The following DLG1 variants were observed in gnomAD, a reference collection of about 807,000 sequenced individuals.
DLG1 encodes disks large homolog 1.
DLG1 carries 42 observed loss-of-function variants against 123.4 expected under a neutral mutation model. The observed-to-expected ratio is 0.34, with a 90% CI of 0.27 to 0.44. The LOEUF is 0.44. DLG1 is among the 20% of genes least tolerant of loss of function. DLG1 has a pLI of 1.00. For missense variants in DLG1, 942 were observed against 1,082.6 expected, an observed-to-expected ratio of 0.87 and a Z score of 1.82; for synonymous variants, 317 against 356.2, an observed-to-expected ratio of 0.89 and a Z score of 1.24.
chr3:197,296,759 A>T (rs1415544831), intron 2 of DLG1: 2 of 384,008 alleles, frequency 5.2e-6, no homozygotes, highest in Non-Finnish European at 9.3e-6. Context: ...GTAAAAGATC[A>T]AAGTATTAGC....
intron 3 of DLG1, among the ~76,000 whole-genome samples, chr3:197,290,558 T>C (rs1358204796): frequency 6.6e-6 from 1 of 152,062 alleles, no homozygotes; most frequent in Non-Finnish European, 1.5e-5. Flanking sequence ...ATACAAAACC[T>C]GAATCTAATC....
chr3:197,089,777 T>G (rs538385496), intron 15 of DLG1, among the ~76,000 whole-genome samples: 2 of 152,150 alleles, frequency 1.3e-5, no homozygotes, highest in Admixed American at 1.3e-4. Context: ...CCTTCTTCGA[T>G]ATATTTGTAT....
chr3:197,269,286 A>T (rs562432499), intron 4 of DLG1, among the ~76,000 whole-genome samples: 1 of 152,326 alleles, frequency 6.6e-6, no homozygotes, highest in Non-Finnish European at 1.5e-5. Context: ...CAATGTTATG[A>T]CAGCAAAGAT....
chr3:197,059,188 G>T (rs1296719161), intron 23 of DLG1, among the ~76,000 whole-genome samples: 1 of 152,160 alleles, frequency 6.6e-6, no homozygotes, highest in Non-Finnish European at 1.5e-5. Context: ...GCCTCCCAAA[G>T]TGGTGGGATT....
chr3:197,176,355 T>TGG (rs75284384), intron 5 of DLG1, among the ~76,000 whole-genome samples: 19,787 of 152,062 alleles, frequency 0.13, 1,739 homozygotes, highest in South Asian at 0.35. Context: ...GAGTTGACTG[T>TGG]GGGGGCTGGA....
Position 197,077,834 on chromosome 3 carries a change from T to C in DLG1, c.1906-1149A>G, listed in dbSNP as rs1748277069. ...TGAAGGAAACGGGCTTACCTACCAG[T>C]GACACTAAGAATTATTATTTTTTGG... is the stretch of plus-strand genomic sequence containing the variant. On this transcript the variant is annotated intron_variant, in intron 17 of 24. Transcript: ENST00000667157. Among the ~76,000 whole-genome samples, 3 of 152,156 alleles carry C rather than the reference T, an allele frequency of 2.0e-5. No individual in the cohort carries two copies. In the South Asian group the frequency reaches 6.2e-4, roughly 31 times the overall value.
intron 9 of DLG1, 107 bp from the exon 10 acceptor site, chr3:197,136,785 A>AAAATAG: frequency 1.0e-6 from 1 of 976,952 alleles, no homozygotes; most frequent in Non-Finnish European, 1.5e-6. Flanking sequence ...AATATTTTTT[A>AAAATAG]AAATAGAAAA....
chr3:197,297,080 T>C, intron 2 of DLG1, 106 bp downstream of exon 2: 1 of 1,205,154 alleles, frequency 8.3e-7, no homozygotes, highest in Non-Finnish European at 1.2e-6. Context: ...GCTAGGACCG[T>C]GCTGTCTCAT....
chr3:197,278,479 C>CA (rs1033961034), intron 4 of DLG1, among the ~76,000 whole-genome samples: 1 of 150,270 alleles, frequency 6.7e-6, no homozygotes, highest in African/African-American at 2.5e-5. Flanking sequence ...TCTAAAAAAA[C>CA]AAAAAAAGTA....
chr3:197,115,486 A>T (rs1772730533), intron 13 of DLG1, among the ~76,000 whole-genome samples: 1 of 152,220 alleles, frequency 6.6e-6, no homozygotes, highest in South Asian at 2.1e-4. Flanking sequence ...TGTGTACCCA[A>T]TAATACAATT....
chr3:197,259,812 C>T (rs1758551823), intron 4 of DLG1, among the ~76,000 whole-genome samples: 1 of 152,108 alleles, frequency 6.6e-6, no homozygotes, highest in Non-Finnish European at 1.5e-5. Flanking sequence ...AAAGGCAACA[C>T]AATCAGCACT....
At chr3:197,047,147 T>C (rs1012501321) in intron 24 of DLG1, among the ~76,000 whole-genome samples, 1 of 152,190 alleles carries the variant, frequency 6.6e-6, no homozygotes, top group Admixed American at 6.5e-5. Context: ...ATAAGATCTA[T>C]AGTTAGATGA....
At chr3:197,190,075 A>G (rs1174187965) in intron 5 of DLG1, among the ~76,000 whole-genome samples, 1 of 152,232 alleles carries the variant, frequency 6.6e-6, no homozygotes, top group Admixed American at 6.5e-5. Context: ...TAAAGCAGAT[A>G]CCAAAAAACT....
chr3:197,272,414 CTT>C (rs762476478), intron 4 of DLG1, among the ~76,000 whole-genome samples: 10 of 151,760 alleles, frequency 6.6e-5, no homozygotes, highest in Non-Finnish European at 1.5e-4. Flanking sequence ...GTTTTAATCT[CTT>C]TTAATATGTC....
intron 4 of DLG1, among the ~76,000 whole-genome samples, chr3:197,250,980 CAAAAAAAAAA>C (rs34378051): frequency 1.1e-5 from 1 of 87,110 alleles, no homozygotes; most frequent in South Asian, 3.7e-4. Context: ...AAGACTCCAT[CAAAAAAAAAA>C]AAAAAAAAAA....
At chr3:197,165,118 C>A (rs1328512108) in intron 5 of DLG1, among the ~76,000 whole-genome samples, 1 of 152,062 alleles carries the variant, frequency 6.6e-6, no homozygotes, top group Non-Finnish European at 1.5e-5. Flanking sequence ...ATCATGAGTG[C>A]CTTTCTCTAT....
At chr3:197,258,064 G>C (rs1757632280) in intron 4 of DLG1, among the ~76,000 whole-genome samples, 1 of 152,160 alleles carries the variant, frequency 6.6e-6, no homozygotes, top group Non-Finnish European at 1.5e-5. Flanking sequence ...ATGTATATAA[G>C]TGTATGAACA....
chr3:197,159,340 C>T (rs1797844144), intron 5 of DLG1, among the ~76,000 whole-genome samples: 1 of 152,100 alleles, frequency 6.6e-6, no homozygotes, highest in Non-Finnish European at 1.5e-5. Flanking sequence ...AGACTATATA[C>T]TTTTTAAAAA....
intron 4 of DLG1, among the ~76,000 whole-genome samples, chr3:197,205,125 C>G (rs1727827835): frequency 6.6e-6 from 1 of 152,072 alleles, no homozygotes; most frequent in African/African-American, 2.4e-5. Flanking sequence ...GTATACCTTA[C>G]CAATACTGGG....
Sources: allele counts gnomAD v4.1 joint callset (sites outside exome capture counted in the v4.1 genomes callset), GRCh38; gene constraint gnomAD v4.1.1; transcripts MANE v1.5; gene names NCBI Gene and HGNC (gene_info 2026-07-23, HGNC 2026-07-21).